Variants in CNBD1 observed in about 807,000 individuals in gnomAD.
CNBD1 encodes the protein cyclic nucleotide-binding domain-containing protein 1.
In CNBD1, 71 loss-of-function variants were observed where a neutral mutation model predicts 54.4. That is an observed-to-expected ratio of 1.30 (90% CI 1.08 to 1.59). The LOEUF (loss-of-function observed/expected upper bound fraction) is 1.59. CNBD1 is among the 40% of genes most tolerant of loss of function. The pLI, the probability that CNBD1 is intolerant of heterozygous loss-of-function variation, is 0.00. For synonymous variants in CNBD1, 182 were observed against 170.7 expected (o/e 1.07, Z -0.51); for missense variants, 659 against 518.0 (o/e 1.27, Z -2.64).
At chr8:87,196,727 G>A (rs942059668) in intron 4 of CNBD1, among the ~76,000 whole-genome samples, 3 of 152,112 alleles carry the variant, frequency 2.0e-5, no homozygotes, top group Admixed American at 6.5e-5. Context: ...ATACCACTTG[G>A]TATGACTATA....
At chr8:87,226,199 A>T (rs1288964954) in intron 5 of CNBD1, among the ~76,000 whole-genome samples, 1 of 151,510 alleles carries the variant, frequency 6.6e-6, no homozygotes, top group Non-Finnish European at 1.5e-5. Flanking sequence ...CAGCTCCTGG[A>T]TTCATTAATT....
At chr8:87,327,150 A>T (rs1171078392) in intron 8 of CNBD1, among the ~76,000 whole-genome samples, 3 of 141,506 alleles carry the variant, frequency 2.1e-5, no homozygotes, top group Non-Finnish European at 3.1e-5. Flanking sequence ...TTGAGGAGGC[A>T]GTCTGCCCGT....
At chr8:87,094,223 T>C (rs2130684050) in intron 4 of CNBD1, among the ~76,000 whole-genome samples, 1 of 152,184 alleles carries the variant, frequency 6.6e-6, no homozygotes, top group South Asian at 2.1e-4. Flanking sequence ...TTTAGCTTTT[T>C]CTTCTCTCTT....
chr8:87,092,759 T>C (rs1165821404), intron 4 of CNBD1, among the ~76,000 whole-genome samples: 1 of 152,120 alleles, frequency 6.6e-6, no homozygotes, highest in Non-Finnish European at 1.5e-5. Flanking sequence ...AGAATCTATA[T>C]GTCATCACCT....
chr8:86,898,939 T>TA (rs1245624578), intron 2 of CNBD1, among the ~76,000 whole-genome samples: 2 of 151,692 alleles, frequency 1.3e-5, no homozygotes, highest in African/African-American at 2.4e-5. Context: ...GAAATAAAAG[T>TA]AAAAAAATAG....
intron 4 of CNBD1, among the ~76,000 whole-genome samples, chr8:87,153,866 G>A (rs1313007407): frequency 3.3e-5 from 5 of 152,168 alleles, no homozygotes; most frequent in African/African-American, 9.6e-5. Context: ...GAACAAAAGT[G>A]CATGAAAAAT....
At chr8:87,252,606 T>C (rs1313421917) in intron 6 of CNBD1, among the ~76,000 whole-genome samples, 1 of 152,180 alleles carries the variant, frequency 6.6e-6, no homozygotes, top group African/African-American at 2.4e-5. Flanking sequence ...CAAAAATGAA[T>C]GCAACCTTGA....
At chr8:86,963,929 A>G (rs527292367) in intron 4 of CNBD1, among the ~76,000 whole-genome samples, 24 of 152,328 alleles carry the variant, frequency 1.6e-4, no homozygotes, top group African/African-American at 5.3e-4. Context: ...CTGCCCTCCA[A>G]TGATCTACAT....
At chr8:87,355,850 G>A (rs929155721) in intron 10 of CNBD1, among the ~76,000 whole-genome samples, 3 of 152,256 alleles carry the variant, frequency 2.0e-5, no homozygotes, top group East Asian at 1.9e-4. Flanking sequence ...CAATGTTGGA[G>A]CTGCAGCCTA....
At chr8:86,953,091 C>A (rs376161222) in intron 4 of CNBD1, among the ~76,000 whole-genome samples, 1 of 152,130 alleles carries the variant, frequency 6.6e-6, no homozygotes, top group East Asian at 1.9e-4. Context: ...TTCTGAATAG[C>A]AATCCACTGT....
intron 4 of CNBD1, among the ~76,000 whole-genome samples, chr8:87,092,456 T>TATATATACAC: frequency 7.2e-6 from 1 of 138,892 alleles, no homozygotes; most frequent in African/African-American, 3.2e-5. Context: ...TATATACACA[T>TATATATACAC]ATGTGTGTGT....
chr8:87,329,273 C>A (rs1443589569), intron 8 of CNBD1, among the ~76,000 whole-genome samples: 2 of 152,066 alleles, frequency 1.3e-5, no homozygotes, highest in Non-Finnish European at 2.9e-5. Flanking sequence ...TTATCTATAT[C>A]TTTTTGTTAA....
At chr8:86,903,372 A>G (rs1403585500) in intron 2 of CNBD1, among the ~76,000 whole-genome samples, 1 of 152,162 alleles carries the variant, frequency 6.6e-6, no homozygotes, top group African/African-American at 2.4e-5. Context: ...CAGAGCACAA[A>G]TTGGAATAGG....
rs552139978 is a variant in CNBD1, at chr8:87,229,252, A to G, written c.578-7667A>G. On this transcript the variant is annotated intron_variant, in intron 5 of 10. Transcript: ENST00000518476. Reference sequence around the variant, plus strand: ...GGAGCTGTAGACCGCAGCTGTTCCTATTCGGCCATCTTGGCTCCTCCCCCC... The same window carrying G: ...GGAGCTGTAGACCGCAGCTGTTCCTGTTCGGCCATCTTGGCTCCTCCCCCC... Among the ~76,000 whole-genome samples, 5 of 151,908 alleles carry G rather than the reference A, an allele frequency of 3.3e-5. No homozygotes were observed. In the South Asian group the frequency reaches 1.0e-3, roughly 32 times the overall value.
intron 6 of CNBD1, among the ~76,000 whole-genome samples, chr8:87,272,477 T>C (rs905555571): frequency 6.6e-6 from 1 of 152,016 alleles, no homozygotes; most frequent in African/African-American, 2.4e-5. Context: ...TAAGACTATA[T>C]TAAATTCAGA....
chr8:87,113,516 T>G (rs1337226769), intron 4 of CNBD1, among the ~76,000 whole-genome samples: 1 of 152,224 alleles, frequency 6.6e-6, no homozygotes, highest in Non-Finnish European at 1.5e-5. Context: ...ATTAATGTTA[T>G]TATGTTGACA....
chr8:87,286,808 A>G, intron 8 of CNBD1, 137 bp downstream of exon 8: 2 of 681,052 alleles, frequency 2.9e-6, no homozygotes, highest in South Asian at 1.9e-5. Flanking sequence ...TAACATTTGA[A>G]TTGGACATTT....
Position 87,181,540 on chromosome 8 carries a change from C to G in CNBD1, c.432-24453C>G, listed in dbSNP as rs191622618. Among the ~76,000 whole-genome samples, 305 of 152,212 alleles carry G rather than the reference C, an allele frequency of 2.0e-3. 6 individuals carry two copies. The highest frequency in any genetic ancestry group is 6.9e-3 in the African/African-American group (286 of 41,544). The stretch of plus-strand genomic sequence containing the variant: ...TATTCACTGGTTAATATTTTGATAT[C>G]CAAATAGTCTGTAAAGCTGTCACCT... On this transcript the variant is annotated intron_variant, in intron 4 of 10. Coordinates refer to ENST00000518476, the MANE Select transcript of CNBD1 (RefSeq NM_173538.3).
At chr8:86,981,900 G>A (rs1041898731) in intron 4 of CNBD1, among the ~76,000 whole-genome samples, 1 of 152,112 alleles carries the variant, frequency 6.6e-6, no homozygotes, top group Non-Finnish European at 1.5e-5. Flanking sequence ...TCTGTTGTCT[G>A]TTCACAGTTG....
Sources: gnomAD v4.1 joint callset for allele counts (sites outside exome capture counted in the v4.1 genomes callset) on GRCh38, gnomAD v4.1.1 for gene constraint, MANE v1.5 for transcripts, NCBI Gene and HGNC (gene_info 2026-07-23, HGNC 2026-07-21) for gene names.